Variants in L1CAM observed in about 807,000 individuals in gnomAD.
L1CAM encodes L1 cell adhesion molecule, also known as neural cell adhesion molecule L1.
A neutral mutation model predicts 93.0 loss-of-function variants in L1CAM; 8 were observed. The observed-to-expected ratio is 0.09, with a 90% CI of 0.05 to 0.16. The LOEUF (loss-of-function observed/expected upper bound fraction) is 0.16. L1CAM is among the 10% of genes least tolerant of loss of function. L1CAM has a pLI of 1.00. For synonymous variants in L1CAM, 453 were observed against 453.0 expected, an observed-to-expected ratio of 1.00 and a Z score of 0.00; for missense variants, 777 against 1,073.4, an observed-to-expected ratio of 0.72 and a Z score of 3.86.
rs199820158 is a variant in L1CAM at position 153,870,981 on chromosome X, G to T, written c.524-21C>A. On this transcript the variant is annotated intron_variant, in intron 6 of 28. Transcript: ENST00000370060. ...GATCTCTGCAGGGGGCAAGGAGGCC[G>T]AAGTCATGACCCCGTCCAGGAAGAC... 4.1e-6 allele frequency: 5 copies of T among 1,211,189 alleles called. No individual in the cohort carries two copies. In the East Asian group the frequency reaches 8.9e-5, roughly 21 times the overall value.
chrX:153,872,563 C>T (rs1353033159), intron 4 of L1CAM, 29 bp downstream of exon 4: 34 of 1,133,517 alleles, frequency 3.0e-5, no homozygotes, highest in Non-Finnish European at 4.8e-6. Context: ...TGGCAGGCAA[C>T]AGGGGCTGAG....
rs782028320 is a variant in L1CAM, at chrX:153,869,701, G to A, written c.1124-38C>T. 18 of 1,201,565 alleles carry A rather than the reference G, an allele frequency of 1.5e-5. No individual in the cohort carries two copies. The South Asian group carries it at 1.8e-4, about 12-fold the overall frequency. ...CAGGTGGGCCCATGGGCCACAGCCCGGCATTGAGCTGCGTTGAGGCCCTTC... is the reference window on the plus strand; with the variant it reads ...CAGGTGGGCCCATGGGCCACAGCCCAGCATTGAGCTGCGTTGAGGCCCTTC... On this transcript the variant is annotated intron_variant, in intron 10 of 28. Coordinates refer to ENST00000370060, the MANE Select transcript of L1CAM (RefSeq NM_001278116.2).
rs782367412 is a variant in L1CAM, at chrX:153,866,816, C to T, written c.2264G>A (p.Arg755His). The change falls in exon 19 of 29, where the codon CGC (arginine) becomes CAC (histidine). Residue 755 changes from arginine to histidine, a missense_variant. This residue lies in a region of L1CAM where 574 missense variants were observed against 781.0 expected (regional missense o/e 0.73). Coordinates refer to ENST00000370060, the MANE Select transcript of L1CAM (RefSeq NM_001278116.2). ...APQVQYRVQW[R>H]PQGTRGPWQE... ...CCAGGGCCCTCGTGTCCCCTGAGGG[C>T]GCCACTGCACGCGGTACTGAACCTG... 2.0e-5 allele frequency: 24 copies of T among 1,209,650 alleles called. No individual in the cohort carries two copies. Among genetic ancestry groups the T allele is most frequent in the East Asian group, 3.0e-5 (1 of 33,741 alleles).
rs1164349979 is a variant in L1CAM at position 153,872,600 on chromosome X, G to A, written c.189C>T (p.Pro63=). 1.9e-5 allele frequency: 23 copies of A among 1,204,230 alleles called. No individual in the cohort carries two copies. The highest frequency in any genetic ancestry group is 2.6e-5 in the Non-Finnish European group (23 of 888,724). ...CGGCAGAGATCACTCACTGCACTTC[G>A]GGCTTGCCACTGGCCTCACACTTGA... ...ISLKCEASGK[P]EVQFRWTRDG... The change falls in exon 4 of 29, where the codon CCC becomes CCT. Residue 63 remains proline, a synonymous_variant. Transcript: ENST00000370060.
In L1CAM at chrX:153,866,865, G is replaced by A. The variant is rs142424573; in HGVS notation, c.2215C>T (p.Arg739Trp). The change falls in exon 19 of 29, where the codon CGG (arginine) becomes TGG (tryptophan). Residue 739 changes from arginine (R) to tryptophan (W), a missense_variant. Physicochemically the swap from Arg to Trp is moderately radical, Grantham distance 101 (BLOSUM62 -3). Transcript: ENST00000370060. ...TNMVITWKPL[R>W]WMDWNAPQVQ... ...TGGGGGGCGTTCCAGTCCATCCACC[G>A]GAGCGGCTGGAGGAGGCCAGCAGAA... 35 of 1,206,848 alleles carry A rather than the reference G, an allele frequency of 2.9e-5. No individual in the cohort carries two copies. Among genetic ancestry groups the A allele is most frequent in the Middle Eastern group, 2.5e-4 (1 of 4,075 alleles).
chrX:153,885,119 G>A (rs1557096635), intron 1 of L1CAM, among the ~76,000 whole-genome samples: 1 of 112,900 alleles, frequency 8.9e-6, no homozygotes, highest in Admixed American at 9.2e-5. Context: ...CAACCAAGAG[G>A]CCCCAAAAGT....
At chrX:153,876,290 G>T (rs782162644) in intron 1 of L1CAM, 5 of 291,376 alleles carry the variant, frequency 1.7e-5, no homozygotes, top group East Asian at 1.4e-4. Context: ...GCATGTGCAG[G>T]TGTCCGTGGG....
rs910286111 is a variant in L1CAM at position 153,870,716 on chromosome X, G to T, written c.694+74C>A. 15 of 1,059,285 alleles carry T rather than the reference G, an allele frequency of 1.4e-5. No individual in the cohort carries two copies. The African/African-American group carries it at 2.6e-4, about 18-fold the overall frequency. 87.3% of individuals were successfully genotyped at this position (1,059,285 alleles called of 1,213,427 possible). On this transcript the variant is annotated intron_variant, in intron 7 of 28. Coordinates refer to ENST00000370060, the MANE Select transcript of L1CAM (RefSeq NM_001278116.2). The stretch of plus-strand genomic sequence containing the variant: ...TTGAGGAAGCCTGGAGTTGTCAGAT[G>T]GACCTATGGTGGGAAGGGCCATGCC...
intron 28 of L1CAM, 76 bp downstream of exon 28, chrX:153,863,292 G>T: frequency 1.8e-6 from 2 of 1,093,178 alleles, no homozygotes; most frequent in Non-Finnish European, 2.5e-6. Flanking sequence ...GGCAGCCAGG[G>T]GACAATGGCA....
rs2064809774 is a variant in L1CAM at position 153,875,848 on chromosome X, G to A, written c.-12C>T. ...AGCGCCACGACCATCTTTCCCGGCG[G>A]CACCGCGCAGCACAGCCAGCCGGGC... is the stretch of plus-strand genomic sequence containing the variant. On this transcript the variant is annotated 5_prime_UTR_variant, in exon 2 of 29. Coordinates refer to ENST00000370060, the MANE Select transcript of L1CAM (RefSeq NM_001278116.2). 1.7e-6 allele frequency: 2 copies of A among 1,201,043 alleles called. No individual in the cohort carries two copies. The highest frequency in any genetic ancestry group is 1.1e-6 in the Non-Finnish European group (1 of 891,736).
chrX:153,866,142 G>A (rs2064710434), intron 19 of L1CAM, among the ~76,000 whole-genome samples: 1 of 110,219 alleles, frequency 9.1e-6, no homozygotes, highest in Non-Finnish European at 1.9e-5. Flanking sequence ...TGGTGCAACC[G>A]CATCTCTACT....
At chrX:153,882,151 G>A (rs1240388689) in intron 1 of L1CAM, among the ~76,000 whole-genome samples, 2 of 111,804 alleles carry the variant, frequency 1.8e-5, no homozygotes, top group Non-Finnish European at 3.8e-5. Flanking sequence ...CCCTCCAGGG[G>A]CCCCACTCCC....
rs782332208 is a variant in L1CAM at position 153,863,847 on chromosome X, C to T, written c.3457+36G>A. On this transcript the variant is annotated intron_variant, in intron 26 of 28. Transcript: ENST00000370060. ...GGGGCGAGGTGCTCCTCTCTGCCCTCGGCTCCACCCCCGTCACGTGGGGCT... is the reference window on the plus strand; with the variant it reads ...GGGGCGAGGTGCTCCTCTCTGCCCTTGGCTCCACCCCCGTCACGTGGGGCT... 31 of 1,209,638 alleles carry T rather than the reference C, an allele frequency of 2.6e-5. No individual in the cohort carries two copies. In the East Asian group the frequency reaches 4.7e-4, roughly 18 times the overall value.
intron 25 of L1CAM, 58 bp from the exon 26 acceptor site, chrX:153,864,075 C>G: frequency 8.3e-7 from 1 of 1,202,464 alleles, no homozygotes; most frequent in Non-Finnish European, 1.1e-6. Context: ...CGACCTGAGG[C>G]CCTGAAGTAT....
chrX:153,871,980 A>T (rs2064774714), intron 5 of L1CAM, among the ~76,000 whole-genome samples, 172 bp downstream of exon 5: 2 of 108,738 alleles, frequency 1.8e-5, no homozygotes, highest in African/African-American at 6.7e-5. Context: ...AGGGCAAAGG[A>T]GGAGACTGCA....
Position 153,864,150 on chromosome X carries a change from G to C in L1CAM, c.3323-133C>G. ...CAGGGACAGGGAAAAGGGCATCTGCGGAAAGGGTATGAAAGGGGGCTGATT... is the reference window on the plus strand; with the variant it reads ...CAGGGACAGGGAAAAGGGCATCTGCCGAAAGGGTATGAAAGGGGGCTGATT... On this transcript the variant is annotated intron_variant, in intron 25 of 28. Transcript: ENST00000370060. 2.8e-6 allele frequency: 3 copies of C among 1,058,423 alleles called. No individual in the cohort carries two copies. The East Asian group carries it at 9.1e-5, about 32-fold the overall frequency. 87.2% of individuals were successfully genotyped at this position (1,058,423 alleles called of 1,213,427 possible).
At chrX:153,878,848 C>T (rs73640834) in intron 1 of L1CAM, among the ~76,000 whole-genome samples, 3,406 of 111,138 alleles carry the variant, frequency 0.031, 120 homozygotes, top group African/African-American at 0.11. Context: ...CCCTGGTCCC[C>T]GCTCCCTGCC....
chrX:153,867,379 T>C lies in L1CAM; in HGVS notation c.2114A>G (p.Glu705Gly). Reference sequence around the variant, plus strand: ...ACCTGCCTCAGGTGTGACCACAGTCTCAGAGACCGGGCTGGGCTCCCCGGG... The same window carrying C: ...ACCTGCCTCAGGTGTGACCACAGTCCCAGAGACCGGGCTGGGCTCCCCGGG... ...YGPGEPSPVS[E>G]TVVTPEAAPE... The change falls in exon 17 of 29, where the codon GAG becomes GGG. Residue 705 changes from glutamate to glycine, a missense_variant. This residue lies in a region of L1CAM where 574 missense variants were observed against 781.0 expected (regional missense o/e 0.73). Coordinates refer to ENST00000370060, the MANE Select transcript of L1CAM (RefSeq NM_001278116.2). 1 of 1,208,237 alleles carries C rather than the reference T, an allele frequency of 8.3e-7. No homozygotes were observed. The highest frequency in any genetic ancestry group is 1.1e-6 in the Non-Finnish European group (1 of 894,575).
chrX:153,875,478 A>C (rs2064805700), intron 2 of L1CAM: 1 of 446,661 alleles, frequency 2.2e-6, no homozygotes, highest in South Asian at 2.9e-5. Flanking sequence ...GAGGAGGCCC[A>C]AGACCTCGGG....
Sources: gnomAD v4.1 joint callset for allele counts (sites outside exome capture counted in the v4.1 genomes callset) on GRCh38, gnomAD v4.1.1 for gene constraint, gnomAD v4.1.1 regional missense constraint, MANE v1.5 for transcripts, NCBI Gene and HGNC (gene_info 2026-07-23, HGNC 2026-07-21) for gene names.